The following MAF variants were observed in gnomAD, a reference collection of about 807,000 sequenced individuals.
The protein encoded by MAF is transcription factor Maf.
Under a neutral mutation model 22.0 loss-of-function variants are expected in MAF, and 10 were observed. That is an observed-to-expected ratio of 0.45 (90% CI 0.28 to 0.77). The LOEUF is 0.77. Ranked by LOEUF, MAF falls within the 30% of genes least tolerant of loss-of-function variation. MAF has a pLI of 0.12. For missense variants in MAF, 544 were observed against 548.4 expected (o/e 0.99, Z 0.08); for synonymous variants, 337 against 255.8 (o/e 1.32, Z -3.03).
At chr16:79,505,416 G>C in the MAF span, among the ~76,000 whole-genome samples, 1 of 152,152 alleles carries the variant, frequency 6.6e-6, no homozygotes, top group South Asian at 2.1e-4. Context: ...TCACGGGACA[G>C]GGGGGAAGCT....
the MAF span, among the ~76,000 whole-genome samples, chr16:79,428,836 C>A: frequency 8.6e-6 from 1 of 115,944 alleles, no homozygotes; most frequent in Non-Finnish European, 1.8e-5. Context: ...GAAAGCAAGA[C>A]CCTGTCTCAG....
chr16:79,336,613 T>C, the MAF span, among the ~76,000 whole-genome samples: 8 of 152,082 alleles, frequency 5.3e-5, no homozygotes, highest in Non-Finnish European at 1.2e-4. Context: ...CCATTCCAGT[T>C]CAGTGTTTGG....
At chr16:79,504,276 G>C in the MAF span, among the ~76,000 whole-genome samples, 1 of 152,088 alleles carries the variant, frequency 6.6e-6, no homozygotes, top group Admixed American at 6.6e-5. Flanking sequence ...CTCCCCTTTT[G>C]TCCCTTATAG....
At chr16:79,464,455 AT>A in the MAF span, among the ~76,000 whole-genome samples, 1 of 152,190 alleles carries the variant, frequency 6.6e-6, no homozygotes, top group Non-Finnish European at 1.5e-5. Flanking sequence ...CCAATCTTTG[AT>A]TCTTTTTCAA....
chr16:79,253,867 G>T, the MAF span, among the ~76,000 whole-genome samples: 2 of 151,888 alleles, frequency 1.3e-5, no homozygotes, highest in African/African-American at 4.8e-5. Context: ...AATCCTAGGG[G>T]TTCTTTTCCT....
At chr16:79,441,417 G>A in the MAF span, among the ~76,000 whole-genome samples, 2 of 152,186 alleles carry the variant, frequency 1.3e-5, no homozygotes, top group Non-Finnish European at 2.9e-5. Context: ...GTTTGGTTTT[G>A]CAGACTGTAC....
the MAF span, among the ~76,000 whole-genome samples, chr16:79,238,790 T>A: frequency 1.3e-5 from 2 of 152,118 alleles, no homozygotes; most frequent in Non-Finnish European, 2.9e-5. Context: ...TTTTATTTGC[T>A]AAATCTGGTC....
the MAF span, among the ~76,000 whole-genome samples, chr16:79,318,490 C>G: frequency 5.2e-4 from 79 of 152,296 alleles, no homozygotes; most frequent in African/African-American, 1.8e-3. Flanking sequence ...CAGAGCCAGA[C>G]AGAATAGATT....
At chr16:79,250,602 G>A in the MAF span, among the ~76,000 whole-genome samples, 6 of 152,208 alleles carry the variant, frequency 3.9e-5, no homozygotes, top group African/African-American at 1.2e-4. Context: ...CTACTTCTGA[G>A]CAGGGGGAGC....
At chr16:79,394,484 T>G in the MAF span, among the ~76,000 whole-genome samples, 13 of 152,196 alleles carry the variant, frequency 8.5e-5, no homozygotes, top group Non-Finnish European at 1.5e-4. Flanking sequence ...TGCATTTTGA[T>G]TACTTGTTTA....
chr16:79,323,360 G>C, the MAF span, among the ~76,000 whole-genome samples: 1 of 151,834 alleles, frequency 6.6e-6, no homozygotes, highest in Non-Finnish European at 1.5e-5. Context: ...ACTCAGGCTG[G>C]AAAGGAGTAG....
At chr16:79,411,149 T>G in the MAF span, among the ~76,000 whole-genome samples, 2 of 152,168 alleles carry the variant, frequency 1.3e-5, no homozygotes, top group African/African-American at 4.8e-5. Flanking sequence ...ATTCAGGTGA[T>G]TTTCCATAAT....
the MAF span, among the ~76,000 whole-genome samples, chr16:79,535,016 T>C: frequency 2.6e-5 from 4 of 152,198 alleles, no homozygotes; most frequent in African/African-American, 9.6e-5. Context: ...TGCTCTTACA[T>C]CAAAATCCTG....
the MAF span, among the ~76,000 whole-genome samples, chr16:79,274,752 C>G: frequency 6.6e-6 from 1 of 152,066 alleles, no homozygotes; most frequent in Non-Finnish European, 1.5e-5. Flanking sequence ...GAGGACTATC[C>G]CCTTGTAAGA....
the MAF span, among the ~76,000 whole-genome samples, chr16:79,573,945 G>A: frequency 5.9e-4 from 90 of 152,200 alleles, no homozygotes; most frequent in Non-Finnish European, 1.1e-3. Context: ...CTTATCTCCC[G>A]TTCGTTTGCC....
chr16:79,489,042 C>G, the MAF span, among the ~76,000 whole-genome samples: 1 of 152,134 alleles, frequency 6.6e-6, no homozygotes, highest in East Asian at 1.9e-4. Context: ...TTGTTGATGC[C>G]TGAAACTAGA....
the MAF span, among the ~76,000 whole-genome samples, chr16:79,296,368 G>A: frequency 7.2e-5 from 11 of 152,062 alleles, no homozygotes; most frequent in Admixed American, 2.0e-4. Flanking sequence ...GGGGCCTGTC[G>A]GGGGGCAGGG....
chr16:79,478,464 C>T, the MAF span, among the ~76,000 whole-genome samples: 6 of 152,142 alleles, frequency 3.9e-5, no homozygotes, highest in African/African-American at 1.4e-4. Context: ...CAGAGAAGAA[C>T]ACAATCACCA....
At chr16:79,451,176 G>C in the MAF span, among the ~76,000 whole-genome samples, 2 of 152,186 alleles carry the variant, frequency 1.3e-5, no homozygotes, top group African/African-American at 2.4e-5. Flanking sequence ...TGCAGGGCCC[G>C]TCCAGTTAAA....
Sources: gnomAD v4.1 joint callset for allele counts (sites outside exome capture counted in the v4.1 genomes callset) on GRCh38, gnomAD v4.1.1 for gene constraint, MANE v1.5 for transcripts, NCBI Gene and HGNC (gene_info 2026-07-23, HGNC 2026-07-21) for gene names.